Variants in HNF4G observed in about 807,000 individuals in gnomAD.
HNF4G encodes the protein hepatocyte nuclear factor 4-gamma.
A neutral mutation model predicts 50.9 loss-of-function variants in HNF4G; 21 were observed. The ratio of observed to expected loss-of-function variants is 0.41; its 90% confidence interval spans 0.29 to 0.59. The LOEUF (loss-of-function observed/expected upper bound fraction) is 0.59. HNF4G is among the 20% of genes least tolerant of loss of function. HNF4G has a pLI of 0.26. For synonymous variants in HNF4G, 198 were observed against 185.6 expected (o/e 1.07, Z -0.54); for missense variants, 527 against 559.4 (o/e 0.94, Z 0.58).
At chr8:75,563,270 A>G (rs1197535418) in intron 9 of HNF4G, among the ~76,000 whole-genome samples, 3 of 152,160 alleles carry the variant, frequency 2.0e-5, no homozygotes, top group African/African-American at 7.2e-5. Context: ...TTACAATAGA[A>G]AGAACTACTA....
intron 2 of HNF4G, among the ~76,000 whole-genome samples, chr8:75,526,493 G>A (rs1806184042): frequency 6.6e-6 from 1 of 151,974 alleles, no homozygotes; most frequent in African/African-American, 2.4e-5. Context: ...CAGTTCTCAT[G>A]CTGAAAGTAA....
intron 1 of HNF4G, among the ~76,000 whole-genome samples, chr8:75,438,059 C>T (rs1311784848): frequency 6.6e-6 from 1 of 152,116 alleles, no homozygotes; most frequent in Non-Finnish European, 1.5e-5. Context: ...TTGTTTCTTG[C>T]TTGCTTGATG....
intron 2 of HNF4G, among the ~76,000 whole-genome samples, chr8:75,528,326 GAGTGGTT>G (rs1411192645): frequency 5.3e-5 from 8 of 152,140 alleles, no homozygotes; most frequent in South Asian, 2.1e-4. Flanking sequence ...CGGAAAATAT[GAGTGGTT>G]AGTTACATTC....
At chr8:75,474,945 C>G (rs1457185698) in intron 1 of HNF4G, among the ~76,000 whole-genome samples, 1 of 151,976 alleles carries the variant, frequency 6.6e-6, no homozygotes, top group African/African-American at 2.4e-5. Flanking sequence ...ATCTGCCTGC[C>G]TGGACCTCCC....
At chr8:75,517,758 C>T (rs974436853) in intron 2 of HNF4G, among the ~76,000 whole-genome samples, 13 of 152,078 alleles carry the variant, frequency 8.5e-5, no homozygotes, top group African/African-American at 2.7e-4. Flanking sequence ...CAGTGCAAGT[C>T]TACCATTCTG....
In HNF4G at chr8:75,481,588, T is replaced by C. The variant is rs1164008792; in HGVS notation, c.-143-8501T>C. ...TCCTACAGGAGCTGGGCAAATCTGA[T>C]AAGCACGAGTAGGGCGATGAATAGA... On this transcript the variant is annotated intron_variant, in intron 1 of 10. Transcript: ENST00000354370. 2.6e-5 allele frequency among the ~76,000 whole-genome samples: 4 copies of C among 152,300 alleles called. No individual in the cohort carries two copies. In the East Asian group the frequency reaches 7.7e-4, roughly 29 times the overall value.
At chr8:75,430,473 GTA>G (rs1810984897) in intron 1 of HNF4G, among the ~76,000 whole-genome samples, 1 of 113,010 alleles carries the variant, frequency 8.8e-6, no homozygotes, top group African/African-American at 3.6e-5. Context: ...GGGGTAGGGA[GTA>G]GAGAGAGAGA....
chr8:75,421,747 C>T (rs76502086), intron 1 of HNF4G, among the ~76,000 whole-genome samples: 8,314 of 152,102 alleles, frequency 0.055, 634 homozygotes, highest in African/African-American at 0.16. Context: ...AGGATGGTGC[C>T]GAGCACCTGC....
chr8:75,473,503 T>G (rs971649509), intron 1 of HNF4G, among the ~76,000 whole-genome samples: 1 of 152,204 alleles, frequency 6.6e-6, no homozygotes, highest in Non-Finnish European at 1.5e-5. Context: ...CATGTGAATG[T>G]TTTGTGGGAA....
intron 1 of HNF4G, among the ~76,000 whole-genome samples, chr8:75,475,015 A>C (rs372234183): frequency 1.2e-4 from 17 of 144,178 alleles, no homozygotes; most frequent in African/African-American, 4.4e-4. Context: ...TTAATTAATT[A>C]ATTTATTTTT....
chr8:75,563,430 CA>C (rs5892499), intron 9 of HNF4G, among the ~76,000 whole-genome samples: 89,858 of 144,410 alleles, frequency 0.62, 27,959 homozygotes, highest in African/African-American at 0.76. Flanking sequence ...AATTTTGAAG[CA>C]AAAAAAAAAA....
chr8:75,479,401 G>GATTTTTAGTAACCTAAA (rs1391279338), intron 1 of HNF4G, among the ~76,000 whole-genome samples: 58 of 152,290 alleles, frequency 3.8e-4, no homozygotes, highest in African/African-American at 1.3e-3. Flanking sequence ...GGAGAAGACT[G>GATTTTTAGTAACCTAAA]ATTTTTAGTA....
rs1462390664 is a variant in HNF4G, at chr8:75,494,382, A to C, written c.-24+4174A>C. On this transcript the variant is annotated intron_variant, in intron 2 of 10. Transcript: ENST00000354370. ...CAATACACAAGGAGACCAAGAAAAA[A>C]TCATGTGATAGATACGTGAAAATTT... Among the ~76,000 whole-genome samples, 6 of 151,746 alleles carry C rather than the reference A, an allele frequency of 4.0e-5. No homozygotes were observed. In the East Asian group the frequency reaches 7.7e-4, roughly 20 times the overall value.
At chr8:75,478,468 T>G (rs900820013) in intron 1 of HNF4G, among the ~76,000 whole-genome samples, 3 of 152,220 alleles carry the variant, frequency 2.0e-5, no homozygotes, top group African/African-American at 7.2e-5. Context: ...ACAATTTTTT[T>G]TCTTTTACTG....
chr8:75,453,534 C>T (rs1811639510), intron 1 of HNF4G, among the ~76,000 whole-genome samples: 1 of 142,652 alleles, frequency 7.0e-6, no homozygotes, highest in Non-Finnish European at 1.5e-5. Context: ...GCAGTGGCAA[C>T]CTGCTAGGGT....
intron 1 of HNF4G, among the ~76,000 whole-genome samples, chr8:75,410,315 C>T (rs1387089095): frequency 6.6e-6 from 1 of 152,114 alleles, no homozygotes; most frequent in African/African-American, 2.4e-5. Flanking sequence ...TGCTTGCCAA[C>T]ACTATATAAT....
intron 1 of HNF4G, among the ~76,000 whole-genome samples, chr8:75,454,575 A>T (rs979815964): frequency 2.0e-4 from 30 of 152,220 alleles, no homozygotes; most frequent in African/African-American, 7.2e-4. Flanking sequence ...TTTCCAGAAG[A>T]CACAGAGCTT....
Position 75,566,191 on chromosome 8 carries a change from C to T in HNF4G, c.*2095C>T, listed in dbSNP as rs184901602. The T allele has an allele frequency of 6.6e-6, 1 of 152,090 alleles. No homozygotes were observed. 9.4% of individuals were successfully genotyped at this position (152,090 alleles called of 1,614,324 possible). A position where few individuals can be genotyped will look rare whatever the true frequency, so the allele number is the denominator to read the frequency against. On this transcript the variant is annotated 3_prime_UTR_variant, in exon 10 of 10. Coordinates refer to ENST00000396423, the MANE Select transcript of HNF4G (RefSeq NM_004133.5). ...CAACAAATTAGGCCTCTGGATCATA[C>T]ATGGCATTTTCTAGCTGTGTCCTTA...
chr8:75,422,638 C>CT (rs761072653), intron 1 of HNF4G, among the ~76,000 whole-genome samples: 9,306 of 145,888 alleles, frequency 0.064, 346 homozygotes, highest in Non-Finnish European at 0.084. Flanking sequence ...GCTGCATTAT[C>CT]TTTTTTTTTT....
Sources: gnomAD v4.1 joint callset for allele counts (sites outside exome capture counted in the v4.1 genomes callset) on GRCh38, gnomAD v4.1.1 for gene constraint, MANE v1.5 for transcripts, NCBI Gene and HGNC (gene_info 2026-07-23, HGNC 2026-07-21) for gene names.